Variants in ZNF280A observed in about 807,000 individuals in gnomAD.
ZNF280A encodes suppressor of hairy wing homolog 1.
Under a neutral mutation model 35.9 loss-of-function variants are expected in ZNF280A, and 26 were observed. The ratio of observed to expected loss-of-function variants is 0.72; its 90% CI spans 0.53 to 1.01. ZNF280A has a LOEUF of 1.01. Among genes scored for constraint, ZNF280A ranks in the 50% least tolerant of loss-of-function variants. The probability of loss-of-function intolerance (pLI) is 0.00; values close to 1 mark genes in which losing one functional copy is unlikely to be tolerated. For missense variants in ZNF280A, 654 were observed against 652.0 expected (o/e 1.00, Z -0.03); for synonymous variants, 231 against 232.9 (o/e 0.99, Z 0.07).
chr22:22,515,030 A>T lies in ZNF280A; in HGVS notation c.601T>A (p.Ser201Thr). 2.5e-6 allele frequency: 4 copies of T among 1,613,912 alleles called. No homozygotes were observed. Among genetic ancestry groups the T allele is most frequent in the Non-Finnish European group, 3.4e-6 (4 of 1,179,984 alleles). Reference sequence around the variant, plus strand: ...GGTGTATTTGTGCTTATTGTAGAAGACATATCTGAAGGGACCACAGCTAAA... The same window carrying T: ...GGTGTATTTGTGCTTATTGTAGAAGTCATATCTGAAGGGACCACAGCTAAA... ...PSLAVVPSDM[S>T]STISTNTPSQ... The change falls in exon 2 of 2, where the codon TCT (serine) becomes ACT (threonine). Residue 201 changes from serine to threonine, a missense_variant. Coordinates refer to ENST00000302097, the MANE Select transcript of ZNF280A (RefSeq NM_080740.5).
At position 22,513,829 on chromosome 22, in the gene ZNF280A, G is replaced by C; in HGVS notation, c.*173C>G. ...CTGTTGGGAGCATTTGACTGGGAAAGGGCTCAAAGACTTTGGAGCTACTTC... is the reference window on the plus strand; with the variant it reads ...CTGTTGGGAGCATTTGACTGGGAAACGGCTCAAAGACTTTGGAGCTACTTC... On this transcript the variant is annotated 3_prime_UTR_variant, in exon 2 of 2. Coordinates refer to ENST00000302097, the MANE Select transcript of ZNF280A (RefSeq NM_080740.5). 1 of 547,630 alleles carries C rather than the reference G, an allele frequency of 1.8e-6. No homozygotes were observed. Among genetic ancestry groups the C allele is most frequent in the Non-Finnish European group, 3.2e-6 (1 of 313,242 alleles). The allele number at this position is 547,630 out of a possible 1,614,324, so 33.9% of individuals were successfully genotyped here.
chr22:22,514,160 T>G lies in ZNF280A; in HGVS notation c.1471A>C (p.Lys491Gln), dbSNP rs2062040714. Reference sequence around the variant, plus strand: ...TGAACTGAAGTTTGAATAATAACTTTTGTTTCACTAGGCAACCCTTGCAGT... The same window carrying G: ...TGAACTGAAGTTTGAATAATAACTTGTGTTTCACTAGGCAACCCTTGCAGT... Reference protein sequence around the residue: ...EQLQGLPSETKVIIQTSVQPG... With the variant: ...EQLQGLPSETQVIIQTSVQPG... The change falls in exon 2 of 2, where the codon AAA becomes CAA. Residue 491 changes from lysine to glutamine, a missense_variant. Lys to Gln is a moderately conservative substitution (Grantham distance 53, BLOSUM62 1). Transcript: ENST00000302097. 8 of 1,613,910 alleles carry G rather than the reference T, an allele frequency of 5.0e-6. No homozygotes were observed. The East Asian group carries it at 1.8e-4, about 36-fold the overall frequency.
chr22:22,518,684 A>C (rs9623719), intron 1 of ZNF280A, among the ~76,000 whole-genome samples: 38,042 of 150,634 alleles, frequency 0.25, 5,070 homozygotes, highest in South Asian at 0.33. Flanking sequence ...GCTACTCGGG[A>C]GGCTGAGGCA....
chr22:22,516,296 A>AACACACACACACACACACACAC (rs1555948002), intron 1 of ZNF280A, among the ~76,000 whole-genome samples: 3,172 of 149,328 alleles, frequency 0.021, 56 homozygotes, highest in Middle Eastern at 0.064. Flanking sequence ...CACAAATCAC[A>AACACACACACACACACACACAC]GCACACACAC....
Position 22,514,057 on chromosome 22 carries a change from T to C in ZNF280A, c.1574A>G (p.Lys525Arg). The C allele has an allele frequency of 6.2e-7, 1 of 1,610,504 alleles. No homozygotes were observed. Among genetic ancestry groups the C allele is most frequent in the Non-Finnish European group, 8.5e-7 (1 of 1,178,578 alleles). ...PQSSPVKTKK[K>R]TAMNTRDSRL... ...GGAATCTCTAGTGTTCATAGCCGTCTTCTTTTTAGTTTTTACAGGAGAAGA... is the reference window on the plus strand; with the variant it reads ...GGAATCTCTAGTGTTCATAGCCGTCCTCTTTTTAGTTTTTACAGGAGAAGA... The change falls in exon 2 of 2, where the codon AAG becomes AGG. Residue 525 changes from lysine to arginine, a missense_variant. Physicochemically the swap from Lys to Arg is conservative, Grantham distance 26 (BLOSUM62 2). Coordinates refer to ENST00000302097, the MANE Select transcript of ZNF280A (RefSeq NM_080740.5).
chr22:22,514,960 A>C lies in ZNF280A; in HGVS notation c.671T>G (p.Val224Gly). The C allele has an allele frequency of 6.2e-7, 1 of 1,613,826 alleles. No homozygotes were observed. The highest frequency in any genetic ancestry group is 2.2e-5 in the East Asian group (1 of 44,800). Residue 224 changes from valine (V) to glycine (G), a missense_variant, in exon 2 of 2, where the codon GTA becomes GGA. Transcript: ENST00000302097. ...ATTAGCATCAGGCCAAGGAAATGTT[A>C]CTCCATTCTGAACATGGTTTGATGA... ...CNSSNHVQNG[V>G]TFPWPDANGK...
rs563276924 is a variant in ZNF280A at position 22,520,105 on chromosome 22, G to T, written c.-88C>A. 6.6e-6 allele frequency: 1 copy of T among 151,960 alleles called. No individual in the cohort carries two copies. The highest frequency in any genetic ancestry group is 2.1e-4 in the South Asian group (1 of 4,818). The allele number at this position is 151,960 out of a possible 1,614,324, so 9.4% of individuals were successfully genotyped here. ...TCAGCTCACCAGTTCCTAAAGTTGC[G>T]AGTGCATCCAGATGATTCAGTGCAG... On this transcript the variant is annotated 5_prime_UTR_variant, in exon 1 of 2. The change creates a premature stop within an existing upstream ORF in the 5' untranslated region. Coordinates refer to ENST00000302097, the MANE Select transcript of ZNF280A (RefSeq NM_080740.5).
intron 1 of ZNF280A, among the ~76,000 whole-genome samples, chr22:22,516,044 C>A (rs2062065098): frequency 6.6e-6 from 1 of 151,732 alleles, no homozygotes. Flanking sequence ...CCAACTTGAA[C>A]AAAACTTCTC....
rs61434984 is a variant in ZNF280A, at chr22:22,518,508, G to A, written c.-72+1581C>T. ...GGGGAATAAACATGCAAAAGGAAGC[G>A]GGGCGCGGTGGCTCACGCCTGTAAT... is the stretch of plus-strand genomic sequence containing the variant. On this transcript the variant is annotated intron_variant, in intron 1 of 1. Coordinates refer to ENST00000302097, the MANE Select transcript of ZNF280A (RefSeq NM_080740.5). 2.4e-3 allele frequency among the ~76,000 whole-genome samples: 363 copies of A among 151,464 alleles called. 2 individuals carry two copies. Among genetic ancestry groups the A allele is most frequent in the African/African-American group, 8.4e-3 (348 of 41,358 alleles).
At chr22:22,517,172 C>T (rs2062082071) in intron 1 of ZNF280A, among the ~76,000 whole-genome samples, 1 of 151,752 alleles carries the variant, frequency 6.6e-6, no homozygotes, top group South Asian at 2.1e-4. Flanking sequence ...TTTGTAAGGC[C>T]AAGGCGGAAG....
Position 22,515,486 on chromosome 22 carries a change from C to CAAAGAGAA in ZNF280A, c.137_144dup (p.Val49PhefsTer6), listed in dbSNP as rs758719023. The CAAAGAGAA allele has an allele frequency of 1.9e-6, 3 of 1,613,870 alleles. No individual in the cohort carries two copies. The East Asian group carries it at 6.7e-5, about 36-fold the overall frequency. On this transcript the variant is annotated frameshift_variant, in exon 2 of 2. Transcript: ENST00000302097. LOFTEE classifies it high-confidence loss of function. ...GGTTTTGAATTTGAAATCATCCCGA[C>CAAAGAGAA]AAAGAGAACTTCAGCATCTCTATGT...
intron 1 of ZNF280A, among the ~76,000 whole-genome samples, chr22:22,517,204 C>T (rs182509547): frequency 2.6e-4 from 39 of 151,740 alleles, no homozygotes; most frequent in South Asian, 2.1e-4. Context: ...GTCAGGAGCT[C>T]GAGACCAGCC....
intron 1 of ZNF280A, among the ~76,000 whole-genome samples, chr22:22,516,032 A>G (rs1028352353): frequency 4.6e-5 from 7 of 151,778 alleles, no homozygotes; most frequent in Non-Finnish European, 8.8e-5. Context: ...TAAGGTTTCT[A>G]ACCAACTTGA....
rs764406269 is a variant in ZNF280A at position 22,514,231 on chromosome 22, A to G, written c.1400T>C (p.Ile467Thr). 4.3e-6 allele frequency: 7 copies of G among 1,613,658 alleles called. No homozygotes were observed. The East Asian group carries it at 1.3e-4, about 31-fold the overall frequency. ...RLQFLTLKEE[I>T]EHKTKDHQTF... ...TTGATGGTCCTTGGTTTTGTGCTCT[A>G]TTTCCTCCTTCAACGTCAAAAACTG... Residue 467 changes from isoleucine (I) to threonine (T), a missense_variant, in exon 2 of 2, where the codon ATA (isoleucine) becomes ACA (threonine). By Grantham distance (89) the Ile-to-Thr change is moderately conservative. Transcript: ENST00000302097.
In ZNF280A at chr22:22,514,168, C is replaced by T. The variant is rs1413869938; in HGVS notation, c.1463G>A (p.Ser488Asn). 5 of 1,613,796 alleles carry T rather than the reference C, an allele frequency of 3.1e-6. No homozygotes were observed. The highest frequency in any genetic ancestry group is 2.2e-5 in the East Asian group (1 of 44,794). Residue 488 changes from serine (S) to asparagine (N), a missense_variant, in exon 2 of 2, where the codon AGT becomes AAT. Coordinates refer to ENST00000302097, the MANE Select transcript of ZNF280A (RefSeq NM_080740.5). Reference sequence around the variant, plus strand: ...AGTTTGAATAATAACTTTTGTTTCACTAGGCAACCCTTGCAGTTGCTCCGG... The same window carrying T: ...AGTTTGAATAATAACTTTTGTTTCATTAGGCAACCCTTGCAGTTGCTCCGG... ...KKPEQLQGLP[S>N]ETKVIIQTSV...
chr22:22,519,440 A>G (rs974859454), intron 1 of ZNF280A, among the ~76,000 whole-genome samples: 2 of 152,002 alleles, frequency 1.3e-5, no homozygotes, highest in Non-Finnish European at 2.9e-5. Context: ...TTTCAAAAAA[A>G]TAAATTAATA....
Position 22,514,471 on chromosome 22 carries a change from T to C in ZNF280A, c.1160A>G (p.His387Arg), listed in dbSNP as rs1460477885. The C allele has an allele frequency of 6.2e-7, 1 of 1,613,830 alleles. No homozygotes were observed. Among genetic ancestry groups the C allele is most frequent in the African/African-American group, 1.3e-5 (1 of 74,886 alleles). Residue 387 changes from histidine (H) to arginine (R), a missense_variant, in exon 2 of 2, where the codon CAT (histidine) becomes CGT (arginine). Transcript: ENST00000302097. ...QVLLQHMKDH[H>R]KPGEMPYVCQ... Reference sequence around the variant, plus strand: ...CACATAAGGCATTTCGCCAGGCTTATGATGGTCCTTCATGTGTTGTAAGAG... The same window carrying C: ...CACATAAGGCATTTCGCCAGGCTTACGATGGTCCTTCATGTGTTGTAAGAG...
intron 1 of ZNF280A, among the ~76,000 whole-genome samples, chr22:22,519,068 C>G (rs2146906087): frequency 6.6e-6 from 1 of 151,958 alleles, no homozygotes; most frequent in African/African-American, 2.4e-5. Flanking sequence ...TACCTATGAT[C>G]AAGCTTAATT....
At position 22,514,194 on chromosome 22, in the gene ZNF280A, C is replaced by G. The variant is rs758830092; in HGVS notation, c.1437G>C (p.Lys479Asn). 1 of 1,613,676 alleles carries G rather than the reference C, an allele frequency of 6.2e-7. No individual in the cohort carries two copies. Among genetic ancestry groups the G allele is most frequent in the Admixed American group, 1.7e-5 (1 of 59,940 alleles). Reference sequence around the variant, plus strand: ...TAGGCAACCCTTGCAGTTGCTCCGGCTTTTTAAATGTTTGATGGTCCTTGG... The same window carrying G: ...TAGGCAACCCTTGCAGTTGCTCCGGGTTTTTAAATGTTTGATGGTCCTTGG... ...HKTKDHQTFK[K>N]PEQLQGLPSE... The change falls in exon 2 of 2, where the codon AAG becomes AAC. Residue 479 changes from lysine (K) to asparagine (N), a missense_variant. Lys to Asn is a moderately conservative substitution (Grantham distance 94). Transcript: ENST00000302097.
Sources: gnomAD v4.1 joint callset for allele counts (sites outside exome capture counted in the v4.1 genomes callset) on GRCh38, gnomAD v4.1.1 for gene constraint, MANE v1.5 for transcripts, NCBI Gene and HGNC (gene_info 2026-07-23, HGNC 2026-07-21) for gene names.